Variants in JAM2 observed in about 807,000 individuals in gnomAD.
JAM2 encodes junctional adhesion molecule B.
A neutral mutation model predicts 42.0 loss-of-function variants in JAM2; 17 were observed. That is an observed-to-expected ratio of 0.40 (90% CI 0.28 to 0.61). The LOEUF is 0.61. Among genes scored for constraint, JAM2 ranks in the 20% least tolerant of loss-of-function variants. The probability of loss-of-function intolerance (pLI) is 0.37; values close to 1 mark genes in which losing one functional copy is unlikely to be tolerated. For missense variants in JAM2, 319 were observed against 358.3 expected (o/e 0.89, Z 0.89); for synonymous variants, 118 against 128.6 (o/e 0.92, Z 0.56).
intron 1 of JAM2, among the ~76,000 whole-genome samples, chr21:25,668,283 T>C (rs2033272234): frequency 6.6e-6 from 1 of 152,204 alleles, no homozygotes; most frequent in African/African-American, 2.4e-5. Context: ...AAGAGTGCCA[T>C]GATCTGACTT....
rs1301963873 is a variant in JAM2 at position 25,647,176 on chromosome 21, C to T, written c.67+7288C>T. Among the ~76,000 whole-genome samples, 4 of 152,308 alleles carry T rather than the reference C, an allele frequency of 2.6e-5. No homozygotes were observed. In the South Asian group the frequency reaches 6.2e-4, roughly 24 times the overall value. On this transcript the variant is annotated intron_variant, in intron 1 of 9. Coordinates refer to ENST00000480456, the MANE Select transcript of JAM2 (RefSeq NM_021219.4). ...ATAAAAATGAATGAATTGTTAAACA[C>T]ATTTTCTTATATGTCTAACTAAAAA...
intron 6 of JAM2, among the ~76,000 whole-genome samples, chr21:25,705,487 C>T (rs777312441): frequency 6.6e-6 from 1 of 152,192 alleles, no homozygotes; most frequent in African/African-American, 2.4e-5. Flanking sequence ...GTCCTCCCAC[C>T]TCAGCCTCCT....
chr21:25,664,243 A>T (rs2033160191), intron 1 of JAM2, among the ~76,000 whole-genome samples: 1 of 148,600 alleles, frequency 6.7e-6, no homozygotes, highest in South Asian at 2.1e-4. Context: ...TTACTTATTT[A>T]TTTTTTTTTT....
intron 2 of JAM2, among the ~76,000 whole-genome samples, chr21:25,687,906 T>C (rs904184155): frequency 3.3e-5 from 5 of 152,250 alleles, no homozygotes; most frequent in Admixed American, 1.3e-4. Flanking sequence ...TTTGTCTTCA[T>C]AACCCTCATC....
chr21:25,668,427 A>G (rs2033275333), intron 1 of JAM2, among the ~76,000 whole-genome samples: 1 of 152,202 alleles, frequency 6.6e-6, no homozygotes, highest in South Asian at 2.1e-4. Flanking sequence ...AGTAGTAGCT[A>G]TGGGAGGAGT....
At chr21:25,651,726 T>C (rs777270601) in intron 1 of JAM2, among the ~76,000 whole-genome samples, 144 of 152,340 alleles carry the variant, frequency 9.5e-4, no homozygotes, top group Non-Finnish European at 1.7e-3. Flanking sequence ...ATAAAAATGA[T>C]TGAAAACAAA....
intron 1 of JAM2, among the ~76,000 whole-genome samples, chr21:25,658,307 T>G (rs1020518207): frequency 2.6e-5 from 4 of 152,026 alleles, no homozygotes; most frequent in Non-Finnish European, 5.9e-5. Flanking sequence ...GGTATTTAAT[T>G]GAGAAGGAAT....
chr21:25,676,141 A>G (rs556310121), intron 1 of JAM2, among the ~76,000 whole-genome samples: 1 of 152,046 alleles, frequency 6.6e-6, no homozygotes, highest in South Asian at 2.1e-4. Flanking sequence ...TACAAAAATT[A>G]GCCAGGTGTG....
At chr21:25,666,460 G>A (rs1431935217) in intron 1 of JAM2, among the ~76,000 whole-genome samples, 1 of 152,040 alleles carries the variant, frequency 6.6e-6, no homozygotes, top group Non-Finnish European at 1.5e-5. Context: ...GAGTCGCTGG[G>A]ATTACAGGCA....
chr21:25,703,863 A>G (rs1050357308), intron 6 of JAM2, among the ~76,000 whole-genome samples: 1 of 152,096 alleles, frequency 6.6e-6, no homozygotes, highest in Non-Finnish European at 1.5e-5. Context: ...AACATCACAG[A>G]AAATGGTGAA....
chr21:25,690,854 T>C (rs2033865114), intron 3 of JAM2, among the ~76,000 whole-genome samples: 1 of 152,222 alleles, frequency 6.6e-6, no homozygotes, highest in Non-Finnish European at 1.5e-5. Context: ...TCTTTTGTTA[T>C]ACATTTCTTT....
At chr21:25,657,048 A>G (rs556874972) in intron 1 of JAM2, among the ~76,000 whole-genome samples, 37 of 152,332 alleles carry the variant, frequency 2.4e-4, no homozygotes, top group African/African-American at 8.9e-4. Context: ...TCCCACTTAT[A>G]TGAATATTGA....
chr21:25,660,067 C>G (rs2033037332), intron 1 of JAM2, among the ~76,000 whole-genome samples: 1 of 152,034 alleles, frequency 6.6e-6, no homozygotes, highest in African/African-American at 2.4e-5. Flanking sequence ...ACAGGCCACC[C>G]CCGACCATGC....
At chr21:25,692,777 AC>A (rs1331163251) in intron 3 of JAM2, among the ~76,000 whole-genome samples, 1 of 152,238 alleles carries the variant, frequency 6.6e-6, no homozygotes, top group Non-Finnish European at 1.5e-5. Flanking sequence ...AATTAATATG[AC>A]AATACCTTAC....
chr21:25,646,992 T>C (rs1027646633), intron 1 of JAM2, among the ~76,000 whole-genome samples: 1 of 152,214 alleles, frequency 6.6e-6, no homozygotes, highest in African/African-American at 2.4e-5. Context: ...TCTTTATATT[T>C]GTAAGGAGTA....
chr21:25,693,839 TG>T lies in JAM2; in HGVS notation c.326del (p.Cys109LeufsTer23). The T allele has an allele frequency of 6.2e-7, 1 of 1,614,114 alleles. No individual in the cohort carries two copies. Among genetic ancestry groups the T allele is most frequent in the Non-Finnish European group, 8.5e-7 (1 of 1,179,954 alleles). On this transcript the variant is annotated frameshift_variant, in exon 4 of 10. Transcript: ENST00000480456. LOFTEE classifies it high-confidence loss of function. ...VTRSDAGKYR[C>X]EVSAPSEQGQ... is the part of the protein sequence containing the mutation. Reference sequence around the variant, plus strand: ...AAGAAGTGATGCGGGGAAATATCGTTGTGAAGTTAGTGCCCCATCTGAGCAA... The same window carrying T: ...AAGAAGTGATGCGGGGAAATATCGTTTGAAGTTAGTGCCCCATCTGAGCAA...
At chr21:25,683,307 C>G (rs753433697) in intron 1 of JAM2, among the ~76,000 whole-genome samples, 2 of 151,898 alleles carry the variant, frequency 1.3e-5, no homozygotes, top group East Asian at 3.9e-4. Flanking sequence ...GTCTATAGAC[C>G]GGCTCTCAAA....
intron 4 of JAM2, among the ~76,000 whole-genome samples, chr21:25,694,933 T>C (rs1339385697): frequency 6.6e-6 from 1 of 151,292 alleles, no homozygotes; most frequent in East Asian, 1.9e-4. Flanking sequence ...TGGTGTATAA[T>C]CTACCAAGTT....
chr21:25,639,916 C>G, intron 1 of JAM2, 28 bp downstream of exon 1: 1 of 1,503,808 alleles, frequency 6.6e-7, no homozygotes, highest in Admixed American at 1.9e-5. Context: ...CTCTACCCTT[C>G]CTGCCTGGAC....
Sources: allele counts gnomAD v4.1 joint callset (sites outside exome capture counted in the v4.1 genomes callset), GRCh38; gene constraint gnomAD v4.1.1; transcripts MANE v1.5; gene names NCBI Gene and HGNC (gene_info 2026-07-23, HGNC 2026-07-21).